The following CATSPERE variants were observed in gnomAD, a reference collection of about 807,000 sequenced individuals.
The protein encoded by CATSPERE is cation channel sperm-associated auxiliary subunit epsilon.
CATSPERE carries 93 observed loss-of-function variants against 114.1 expected under a neutral mutation model. That is an observed-to-expected ratio of 0.81 (90% CI 0.69 to 0.97). The LOEUF (loss-of-function observed/expected upper bound fraction) is 0.97, where lower values mean the gene tolerates loss of function less well. Ranked by LOEUF, CATSPERE falls within the 50% of genes least tolerant of loss-of-function variation. CATSPERE has a pLI of 0.00. For missense variants in CATSPERE, 1,058 were observed against 1,131.6 expected (o/e 0.93, Z 0.93); for synonymous variants, 341 against 384.1 (o/e 0.89, Z 1.31).
chr1:244,596,213 C>G (rs1668398773), intron 17 of CATSPERE, among the ~76,000 whole-genome samples: 1 of 152,194 alleles, frequency 6.6e-6, no homozygotes, highest in South Asian at 2.1e-4. Context: ...GGCAATAACT[C>G]AGAAGTTTTC....
chr1:244,602,773 C>A (rs925677571), intron 17 of CATSPERE, among the ~76,000 whole-genome samples: 5 of 152,152 alleles, frequency 3.3e-5, no homozygotes, highest in Non-Finnish European at 5.9e-5. Flanking sequence ...AACAGATATT[C>A]TGGGTGTTTT....
At chr1:244,459,584 G>A (rs1027952818), upstream of CATSPERE, among the ~76,000 whole-genome samples, 8 of 152,232 alleles carry the variant, frequency 5.3e-5, no homozygotes, top group Non-Finnish European at 7.3e-5. Flanking sequence ...ACTGGAGAGA[G>A]AAAAATTATG....
chr1:244,585,275 T>C (rs1170447191), intron 13 of CATSPERE, among the ~76,000 whole-genome samples: 1 of 152,210 alleles, frequency 6.6e-6, no homozygotes, highest in Non-Finnish European at 1.5e-5. Context: ...AGATTATTCA[T>C]GTAAAGTACC....
In CATSPERE at chr1:244,528,785, C is replaced by CCACACACACACACACACA. The variant is rs56746061; in HGVS notation, c.536+10111_536+10128dup. On this transcript the variant is annotated intron_variant, in intron 8 of 21. Transcript: ENST00000366534. ...TACTCTCCCCCACAACAATCCCCCA[C>CCACACACACACACACACA]CACACACACACACACACACACACAC... Among the ~76,000 whole-genome samples, 462 of 130,548 alleles carry CCACACACACACACACACA rather than the reference C, an allele frequency of 3.5e-3. 1 individual carries two copies. The highest frequency in any genetic ancestry group is 5.8e-3 in the South Asian group (22 of 3,774). 85.6% of individuals were successfully genotyped at this position (130,548 alleles called of 152,430 possible).
chr1:244,621,194 T>TA (rs1330110357), intron 20 of CATSPERE, among the ~76,000 whole-genome samples: 1 of 13,008 alleles, frequency 7.7e-5, no homozygotes, highest in African/African-American at 1.9e-4. Flanking sequence ...TATAGATATA[T>TA]TTATATAGAT....
intron 11 of CATSPERE, among the ~76,000 whole-genome samples, chr1:244,579,845 G>A (rs953632988): frequency 6.6e-6 from 1 of 152,034 alleles, no homozygotes; most frequent in Non-Finnish European, 1.5e-5. Context: ...TACCTCATAA[G>A]GTTCTTTTAT....
rs376827232 is a variant in CATSPERE, at chr1:244,607,936, A to G, written c.2403+2142A>G. 1.1e-3 allele frequency among the ~76,000 whole-genome samples: 169 copies of G among 151,778 alleles called. No individual in the cohort carries two copies. The highest frequency in any genetic ancestry group is 3.8e-3 in the African/African-American group (158 of 41,368). On this transcript the variant is annotated intron_variant, in intron 18 of 21. Transcript: ENST00000366534. The surrounding 1 kb of genome is among the most constrained non-coding windows in gnomAD (Gnocchi z 4.4). Reference sequence around the variant, plus strand: ...AGACTGACCAACATGGTGAAACCCCATATCTCCTAAAAATAAAAAAATTAG... The same window carrying G: ...AGACTGACCAACATGGTGAAACCCCGTATCTCCTAAAAATAAAAAAATTAG...
At chr1:244,531,978 C>G (rs546145783) in intron 8 of CATSPERE, among the ~76,000 whole-genome samples, 2 of 152,122 alleles carry the variant, frequency 1.3e-5, no homozygotes, top group Non-Finnish European at 2.9e-5. Flanking sequence ...TGCTGGGAGA[C>G]TTTTTACTAT....
intron 19 of CATSPERE, among the ~76,000 whole-genome samples, chr1:244,611,447 G>T (rs6429495): frequency 0.99 from 150,723 of 151,770 alleles, 74,851 homozygotes; most frequent in Middle Eastern, 1. Flanking sequence ...AAAAAAAAAT[G>T]AGCTGGGCCT....
chr1:244,515,933 C>T (rs925361063), intron 7 of CATSPERE, among the ~76,000 whole-genome samples: 2 of 151,072 alleles, frequency 1.3e-5, no homozygotes, highest in African/African-American at 2.4e-5. Flanking sequence ...GTGTCTCACA[C>T]CTATAATCCC....
chr1:244,613,584 G>A (rs540734991), intron 19 of CATSPERE, among the ~76,000 whole-genome samples: 49 of 152,238 alleles, frequency 3.2e-4, no homozygotes, highest in Admixed American at 1.4e-3. Flanking sequence ...TCAGTGAGAA[G>A]GCAATATTCA....
At chr1:244,466,844 G>T (rs186225969) in intron 2 of CATSPERE, among the ~76,000 whole-genome samples, 77 of 152,350 alleles carry the variant, frequency 5.1e-4, no homozygotes, top group African/African-American at 1.9e-3. Flanking sequence ...TCAATGGAAA[G>T]ATGGGACAGA....
intron 7 of CATSPERE, among the ~76,000 whole-genome samples, chr1:244,509,451 T>C (rs1675350031): frequency 6.6e-6 from 1 of 152,188 alleles, no homozygotes; most frequent in African/African-American, 2.4e-5. Flanking sequence ...TGTATTATCT[T>C]TTTGATGTCT....
intron 7 of CATSPERE, among the ~76,000 whole-genome samples, chr1:244,499,746 A>G (rs3124067): frequency 6.6e-6 from 1 of 152,004 alleles, no homozygotes; most frequent in Non-Finnish European, 1.5e-5. Flanking sequence ...TCTCTCATTG[A>G]TGGGCATCTG....
chr1:244,566,526 T>G (rs2148553719), intron 10 of CATSPERE, among the ~76,000 whole-genome samples: 1 of 152,270 alleles, frequency 6.6e-6, no homozygotes. Flanking sequence ...GGTGCATGTA[T>G]ATTTAGGATA....
At chr1:244,477,727 A>G in intron 3 of CATSPERE, 113 bp downstream of exon 3, 1 of 958,194 alleles carries the variant, frequency 1.0e-6, no homozygotes, top group East Asian at 2.4e-5. Flanking sequence ...TTCATTAAGT[A>G]GATGTGAAAA....
At chr1:244,636,340 C>T (rs1010205508) in intron 21 of CATSPERE, among the ~76,000 whole-genome samples, 1 of 151,732 alleles carries the variant, frequency 6.6e-6, no homozygotes, top group South Asian at 2.1e-4. Context: ...TAAATAAGGG[C>T]GTAAGAAAAA....
intron 9 of CATSPERE, among the ~76,000 whole-genome samples, chr1:244,555,175 A>G (rs1228992347): frequency 6.6e-6 from 1 of 152,176 alleles, no homozygotes; most frequent in African/African-American, 2.4e-5. Context: ...TCATGAGGTC[A>G]GGAGTTCGAG....
In CATSPERE at chr1:244,575,451, C is replaced by T. The variant is rs1349082457; in HGVS notation, c.1950+2679C>T. Among the ~76,000 whole-genome samples, 1 of 152,210 alleles carries T rather than the reference C, an allele frequency of 6.6e-6. No individual in the cohort carries two copies. The highest frequency in any genetic ancestry group is 1.5e-5 in the Non-Finnish European group (1 of 68,030). ...CTCACACTTTCCTGCTCAGCTCTAA[C>T]TTGCAGGCGTCCATGGCCAGCTGTC... On this transcript the variant is annotated intron_variant, in intron 11 of 21. Transcript: ENST00000366534. The surrounding 1 kb of genome is among the most constrained non-coding windows in gnomAD (Gnocchi z 4.5).
Sources: gnomAD v4.1 joint callset for allele counts (sites outside exome capture counted in the v4.1 genomes callset) on GRCh38, gnomAD v4.1.1 for gene constraint, Gnocchi (gnomAD v3.1) non-coding constraint, MANE v1.5 for transcripts, NCBI Gene and HGNC (gene_info 2026-07-23, HGNC 2026-07-21) for gene names.